SUMF1: variants seen among roughly 807,000 people sequenced by gnomAD.
The protein encoded by SUMF1 is formylglycine-generating enzyme.
SUMF1 carries 48 observed loss-of-function variants against 47.6 expected under a neutral mutation model. The observed-to-expected ratio is 1.01, with a 90% CI of 0.80 to 1.28. The LOEUF is 1.28. SUMF1 is among the 50% of genes most tolerant of loss of function. The probability of loss-of-function intolerance (pLI) is 0.00; values close to 1 mark genes in which losing one functional copy is unlikely to be tolerated. For missense variants in SUMF1, 571 were observed against 485.4 expected, an observed-to-expected ratio of 1.18 and a Z score of -1.66; for synonymous variants, 230 against 192.1, an observed-to-expected ratio of 1.20 and a Z score of -1.63.
intron 8 of SUMF1, among the ~76,000 whole-genome samples, chr3:4,085,590 T>G (rs1178183835): frequency 6.6e-6 from 1 of 152,130 alleles, no homozygotes; most frequent in Non-Finnish European, 1.5e-5. Flanking sequence ...CTTAAAGTAT[T>G]GAGAAACATA....
intron 7 of SUMF1, among the ~76,000 whole-genome samples, chr3:4,390,562 C>T (rs1442339264): frequency 6.6e-6 from 1 of 152,122 alleles, no homozygotes; most frequent in Non-Finnish European, 1.5e-5. Flanking sequence ...GCTTCCCTAG[C>T]TCCAAGTCAG....
intron 8 of SUMF1, among the ~76,000 whole-genome samples, chr3:4,100,421 C>A (rs984699251): frequency 1.3e-5 from 2 of 152,012 alleles, no homozygotes; most frequent in African/African-American, 4.8e-5. Flanking sequence ...ACAAAGGTGC[C>A]AAGAACACTA....
intron 8 of SUMF1, among the ~76,000 whole-genome samples, chr3:4,106,181 C>A (rs1693154079): frequency 6.6e-6 from 1 of 151,974 alleles, no homozygotes; most frequent in African/African-American, 2.4e-5. Flanking sequence ...CCATAAAAAA[C>A]AAAATGAGTT....
Position 4,039,266 on chromosome 3 carries a change from C to T in SUMF1, c.1191+29303G>A, listed in dbSNP as rs1209319245. Among the ~76,000 whole-genome samples, 34 of 95,042 alleles carry T rather than the reference C, an allele frequency of 3.6e-4. 1 individual carries two copies. The highest frequency in any genetic ancestry group is 5.8e-4 in the Non-Finnish European group (30 of 51,666). The allele number at this position is 95,042 out of a possible 152,430, so 62.4% of individuals were successfully genotyped here. ...CTCTAAGTTTTAGGGTACATGTGCA[C>T]ATTGTGCAGGTTAGTTACATATGTA... is the stretch of plus-strand genomic sequence containing the variant. On this transcript the variant is annotated intron_variant and NMD_transcript_variant, in intron 9 of 12. Coordinates refer to the SUMF1 transcript ENST00000448413.
chr3:4,267,637 G>T lies in SUMF1; in HGVS notation c.1014+108693C>A, dbSNP rs540660604. On this transcript the variant is annotated intron_variant and NMD_transcript_variant, in intron 8 of 12. Transcript: ENST00000448413. ...GCAGCCAAAAAACACATGAAAAAATGCTCACCATAACTGGCCATCAGAGAA... is the reference window on the plus strand; with the variant it reads ...GCAGCCAAAAAACACATGAAAAAATTCTCACCATAACTGGCCATCAGAGAA... 4.3e-3 allele frequency among the ~76,000 whole-genome samples: 661 copies of T among 152,014 alleles called. 2 individuals carry two copies. The highest frequency in any genetic ancestry group is 7.5e-3 in the Non-Finnish European group (509 of 67,986).
intron 8 of SUMF1, among the ~76,000 whole-genome samples, chr3:4,207,909 C>T (rs756418012): frequency 2.0e-5 from 3 of 152,160 alleles, no homozygotes; most frequent in East Asian, 1.9e-4. Flanking sequence ...AGCGTGAACA[C>T]GTCTGAGAGT....
chr3:4,092,335 G>A (rs912576306), intron 8 of SUMF1, among the ~76,000 whole-genome samples: 4 of 152,072 alleles, frequency 2.6e-5, no homozygotes. Flanking sequence ...TGTAAAGTGG[G>A]AGATTTGGAG....
At chr3:4,075,438 G>A (rs1692409499) in intron 8 of SUMF1, among the ~76,000 whole-genome samples, 1 of 152,078 alleles carries the variant, frequency 6.6e-6, no homozygotes, top group South Asian at 2.1e-4. Flanking sequence ...ACAAGACAAA[G>A]ATGCCCTCTC....
chr3:4,398,888 T>C (rs948593389), intron 7 of SUMF1, among the ~76,000 whole-genome samples: 1 of 152,230 alleles, frequency 6.6e-6, no homozygotes, highest in Non-Finnish European at 1.5e-5. Context: ...TAGCTTTTCA[T>C]GTTTTGTATT....
At position 4,224,069 on chromosome 3, in the gene SUMF1, G is replaced by A. The variant is rs1415955371; in HGVS notation, c.1014+152261C>T. 2.6e-5 allele frequency among the ~76,000 whole-genome samples: 4 copies of A among 152,204 alleles called. No individual in the cohort carries two copies. The East Asian group carries it at 5.8e-4, about 22-fold the overall frequency. ...AAAAGAACCAGGGGCCGGGGGTGGA[G>A]TGTGATGAAGATGGACAAAACCCAA... On this transcript the variant is annotated intron_variant and NMD_transcript_variant, in intron 8 of 12. Coordinates refer to the SUMF1 transcript ENST00000448413.
intron 1 of SUMF1, among the ~76,000 whole-genome samples, chr3:4,461,889 T>C: frequency 6.6e-6 from 1 of 152,080 alleles, no homozygotes; most frequent in Non-Finnish European, 1.5e-5. Flanking sequence ...TCACTGAAGG[T>C]TCAAATTCAA....
At chr3:4,321,470 T>TAAAAAAAAAAAAA (rs1206478992) in intron 8 of SUMF1, among the ~76,000 whole-genome samples, 11 of 63,724 alleles carry the variant, frequency 1.7e-4, no homozygotes, top group African/African-American at 2.8e-4. Context: ...AAGGAAATGC[T>TAAAAAAAAAAAAA]AAAAAAAAAA....
At chr3:4,462,819 C>T (rs1409340180) in intron 1 of SUMF1, among the ~76,000 whole-genome samples, 1 of 152,164 alleles carries the variant, frequency 6.6e-6, no homozygotes, top group African/African-American at 2.4e-5. Flanking sequence ...TTTATCTATA[C>T]CATTCTGTCA....
At chr3:4,252,734 C>T (rs532889282) in intron 8 of SUMF1, among the ~76,000 whole-genome samples, 1 of 152,050 alleles carries the variant, frequency 6.6e-6, no homozygotes, top group Non-Finnish European at 1.5e-5. Context: ...CATTCTTTCA[C>T]CAAGTACAGT....
chr3:4,250,907 T>A (rs1045886625), intron 8 of SUMF1, among the ~76,000 whole-genome samples: 1 of 152,242 alleles, frequency 6.6e-6, no homozygotes, highest in African/African-American at 2.4e-5. Context: ...ATGGAGCTTA[T>A]AAACAAGGAG....
chr3:4,117,550 C>T (rs1258457584), intron 8 of SUMF1, among the ~76,000 whole-genome samples: 2 of 151,974 alleles, frequency 1.3e-5, no homozygotes, highest in Non-Finnish European at 2.9e-5. Context: ...AGACAGAGGC[C>T]TGGGCTTAGA....
At chr3:4,464,238 C>T (rs1318858574) in intron 1 of SUMF1, among the ~76,000 whole-genome samples, 6 of 151,774 alleles carry the variant, frequency 4.0e-5, no homozygotes, top group South Asian at 4.2e-4. Context: ...TTCCCAGCTC[C>T]GAAAAATATT....
intron 9 of SUMF1, among the ~76,000 whole-genome samples, chr3:4,048,704 A>T (rs531395102): frequency 6.6e-6 from 1 of 152,170 alleles, no homozygotes; most frequent in Non-Finnish European, 1.5e-5. Context: ...CCAACACTTG[A>T]CAAATACAGT....
intron 6 of SUMF1, among the ~76,000 whole-genome samples, chr3:4,411,720 A>C (rs1701550032): frequency 6.6e-6 from 1 of 151,928 alleles, no homozygotes; most frequent in Non-Finnish European, 1.5e-5. Context: ...AAAAAAAAAA[A>C]AAACTTTAAC....
Sources: gnomAD v4.1 joint callset for allele counts (sites outside exome capture counted in the v4.1 genomes callset) on GRCh38, gnomAD v4.1.1 for gene constraint, MANE v1.5 for transcripts, NCBI Gene and HGNC (gene_info 2026-07-23, HGNC 2026-07-21) for gene names.